The following VIPR2 variants were observed in gnomAD, a reference collection of about 807,000 sequenced individuals.
VIPR2 encodes vasoactive intestinal peptide receptor 2.
A neutral mutation model predicts 58.0 loss-of-function variants in VIPR2; 48 were observed. The ratio of observed to expected loss-of-function variants is 0.83; its 90% CI spans 0.66 to 1.05. The LOEUF (loss-of-function observed/expected upper bound fraction) is 1.05, where lower values mean the gene tolerates loss of function less well. Ranked by LOEUF, VIPR2 falls within the 50% of genes least tolerant of loss-of-function variation. VIPR2 has a pLI of 0.00. For synonymous variants in VIPR2, 243 were observed against 235.2 expected (o/e 1.03, Z -0.30); for missense variants, 534 against 558.0 (o/e 0.96, Z 0.43).
chr7:159,030,960 C>A (rs1238537902), intron 12 of VIPR2, among the ~76,000 whole-genome samples, 171 bp from the exon 13 acceptor site: 1 of 152,224 alleles, frequency 6.6e-6, no homozygotes, highest in African/African-American at 2.4e-5. Flanking sequence ...CTGGAGGGAG[C>A]GGGAACTGGA....
chr7:159,046,273 T>C (rs935970402), intron 5 of VIPR2, among the ~76,000 whole-genome samples: 1 of 152,212 alleles, frequency 6.6e-6, no homozygotes, highest in African/African-American at 2.4e-5. Context: ...TGAATGTTCA[T>C]GGCAGCTCTA....
At chr7:159,034,351 A>G (rs1340687304) in intron 9 of VIPR2, 47 bp from the exon 10 acceptor site, 11 of 1,591,008 alleles carry the variant, frequency 6.9e-6, no homozygotes, top group Non-Finnish European at 9.5e-6. Context: ...TGGATCCCTA[A>G]TTTGCCCTGA....
chr7:159,141,774 T>G (rs1797475953), intron 2 of VIPR2, among the ~76,000 whole-genome samples: 1 of 152,214 alleles, frequency 6.6e-6, no homozygotes, highest in Non-Finnish European at 1.5e-5. Flanking sequence ...ACAGACTGTT[T>G]TAACACAGAT....
At chr7:159,112,725 C>G (rs1406344006) in intron 2 of VIPR2, among the ~76,000 whole-genome samples, 2 of 137,792 alleles carry the variant, frequency 1.5e-5, no homozygotes, top group Non-Finnish European at 3.2e-5. Flanking sequence ...GGAGGAGACT[C>G]ACGGCGCCTA....
intron 2 of VIPR2, among the ~76,000 whole-genome samples, chr7:159,113,833 A>G (rs1321549013): frequency 6.6e-6 from 1 of 152,162 alleles, no homozygotes; most frequent in African/African-American, 2.4e-5. Flanking sequence ...TTAGAAATCT[A>G]ATGGACACTG....
intron 8 of VIPR2, 70 bp from the exon 9 acceptor site, chr7:159,034,720 G>T: frequency 7.5e-7 from 1 of 1,335,756 alleles, no homozygotes; most frequent in Non-Finnish European, 1.1e-6. Flanking sequence ...AAGAATGAGC[G>T]CCTGCCCCTC....
rs565935803 is a variant in VIPR2, at chr7:159,030,214, G to T, written c.*402C>A. ...CAAAAAATTAGCCAGGCGTGTTGGCGGGCGCCTGTAGTCCCAGCTATGGGA... is the reference window on the plus strand; with the variant it reads ...CAAAAAATTAGCCAGGCGTGTTGGCTGGCGCCTGTAGTCCCAGCTATGGGA... On this transcript the variant is annotated 3_prime_UTR_variant, in exon 13 of 13. Transcript: ENST00000262178. 1 of 181,790 alleles carries T rather than the reference G, an allele frequency of 5.5e-6. No homozygotes were observed. The allele number at this position is 181,790 out of a possible 1,614,324, so 11.3% of individuals were successfully genotyped here. A position where few individuals can be genotyped will look rare whatever the true frequency, so the allele number is the denominator to read the frequency against.
intron 3 of VIPR2, among the ~76,000 whole-genome samples, chr7:159,104,968 C>T (rs1348567357): frequency 6.6e-6 from 1 of 151,998 alleles, no homozygotes; most frequent in African/African-American, 2.4e-5. Flanking sequence ...CTCCATTTGG[C>T]CACTGGTGTT....
At chr7:159,049,358 A>AGCAGCC (rs1265765067) in intron 5 of VIPR2, among the ~76,000 whole-genome samples, 1 of 152,196 alleles carries the variant, frequency 6.6e-6, no homozygotes, top group Non-Finnish European at 1.5e-5. Context: ...GGCTTTGGGG[A>AGCAGCC]GCAGCCGCAG....
At chr7:159,136,715 G>C (rs1360846716) in intron 2 of VIPR2, among the ~76,000 whole-genome samples, 1 of 152,192 alleles carries the variant, frequency 6.6e-6, no homozygotes, top group East Asian at 1.9e-4. Context: ...CCCAGGAAAA[G>C]GAGGAGGCCC....
At position 159,095,204 on chromosome 7, in the gene VIPR2, C is replaced by T. The variant is rs1857759252; in HGVS notation, c.357+8553G>A. On this transcript the variant is annotated intron_variant, in intron 4 of 12. Coordinates refer to ENST00000262178, the MANE Select transcript of VIPR2 (RefSeq NM_003382.5). The surrounding 1 kb of genome is among the most constrained non-coding windows in gnomAD (Gnocchi z 5.2). The stretch of plus-strand genomic sequence containing the variant: ...GCCGAGACAGCAAATCATATGACAG[C>T]ATTAGTGAAAATGGGACATTTCCTA... Among the ~76,000 whole-genome samples, 1 of 152,174 alleles carries T rather than the reference C, an allele frequency of 6.6e-6. No homozygotes were observed. The highest frequency in any genetic ancestry group is 1.5e-5 in the Non-Finnish European group (1 of 68,040).
At chr7:159,090,188 T>G (rs1233427332) in intron 4 of VIPR2, among the ~76,000 whole-genome samples, 1 of 136,470 alleles carries the variant, frequency 7.3e-6, no homozygotes, top group East Asian at 2.3e-4. Context: ...CAATCCCCAG[T>G]GCCCTCAGCA....
At chr7:159,071,094 G>A (rs1856364119) in intron 4 of VIPR2, among the ~76,000 whole-genome samples, 1 of 152,180 alleles carries the variant, frequency 6.6e-6, no homozygotes, top group Non-Finnish European at 1.5e-5. Flanking sequence ...GCAGGAGGTG[G>A]GTCGAGCAAC....
intron 2 of VIPR2, among the ~76,000 whole-genome samples, chr7:159,115,972 T>C (rs565110355): frequency 6.6e-6 from 1 of 152,348 alleles, no homozygotes; most frequent in South Asian, 2.1e-4. Flanking sequence ...GATTTGTTTG[T>C]GAACAGCAAG....
At chr7:159,114,192 G>A (rs900745906) in intron 2 of VIPR2, among the ~76,000 whole-genome samples, 1 of 152,182 alleles carries the variant, frequency 6.6e-6, no homozygotes, top group African/African-American at 2.4e-5. Flanking sequence ...ATTTGGCACA[G>A]TGAACCCTTT....
intron 4 of VIPR2, among the ~76,000 whole-genome samples, chr7:159,067,009 C>T (rs997780828): frequency 4.6e-5 from 7 of 152,292 alleles, no homozygotes; most frequent in Admixed American, 3.9e-4. Context: ...CTGCCATGTG[C>T]GGATACTGAG....
chr7:159,044,912 C>A (rs1585352395), intron 5 of VIPR2, among the ~76,000 whole-genome samples: 1 of 152,064 alleles, frequency 6.6e-6, no homozygotes, highest in Non-Finnish European at 1.5e-5. Context: ...ATTACAGGCA[C>A]CTGCCACCAT....
chr7:159,142,391 G>T, intron 2 of VIPR2, 55 bp downstream of exon 2: 2 of 1,332,250 alleles, frequency 1.5e-6, no homozygotes. Flanking sequence ...TGAGTGAGGC[G>T]CATTCCCGGG....
intron 4 of VIPR2, among the ~76,000 whole-genome samples, chr7:159,069,702 A>C (rs1221419484): frequency 6.6e-6 from 1 of 152,098 alleles, no homozygotes; most frequent in Admixed American, 6.5e-5. Flanking sequence ...CATCATGTCT[A>C]ATATGCTGTT....
Sources: gnomAD v4.1 joint callset for allele counts (sites outside exome capture counted in the v4.1 genomes callset) on GRCh38, gnomAD v4.1.1 for gene constraint, Gnocchi (gnomAD v3.1) non-coding constraint, MANE v1.5 for transcripts, NCBI Gene and HGNC (gene_info 2026-07-23, HGNC 2026-07-21) for gene names.